C1GALT1: variants seen among roughly 807,000 people sequenced by gnomAD.
C1GALT1 encodes the protein core 1 synthase, glycoprotein-N-acetylgalactosamine 3-beta-galactosyltransferase 1.
In C1GALT1, 11 loss-of-function variants were observed where a neutral mutation model predicts 31.0. The ratio of observed to expected loss-of-function variants is 0.36; its 90% CI spans 0.22 to 0.59. C1GALT1 has a LOEUF of 0.59. Ranked by LOEUF, C1GALT1 falls within the 20% of genes least tolerant of loss-of-function variation. The pLI is 0.79. For missense variants in C1GALT1, 424 were observed against 425.2 expected (o/e 1.00, Z 0.03); for synonymous variants, 175 against 143.6 (o/e 1.22, Z -1.56).
At chr7:7,220,305 A>T (rs908341059) in intron 1 of C1GALT1, among the ~76,000 whole-genome samples, 1 of 152,186 alleles carries the variant, frequency 6.6e-6, no homozygotes, top group Non-Finnish European at 1.5e-5. Flanking sequence ...AGTGTTAGCT[A>T]TTTTTATTTG....
In C1GALT1 at chr7:7,182,686, G is replaced by A. The variant is rs533125199; in HGVS notation, c.-152G>A. ...GCTGCCGCTGCCGGGGAATAATCTG[G>A]GCGGCAGCGGGCGGCCTCGGCTAGC... is the stretch of plus-strand genomic sequence containing the variant. On this transcript the variant is annotated 5_prime_UTR_variant, in exon 1 of 4. Coordinates refer to ENST00000436587, the MANE Select transcript of C1GALT1 (RefSeq NM_020156.5). 9 of 517,750 alleles carry A rather than the reference G, an allele frequency of 1.7e-5. No homozygotes were observed. The South Asian group carries it at 7.4e-4, about 43-fold the overall frequency. The allele number at this position is 517,750 out of a possible 1,614,324, so 32.1% of individuals were successfully genotyped here.
At chr7:7,185,187 G>A (rs187347123) in intron 1 of C1GALT1, among the ~76,000 whole-genome samples, 259 of 152,298 alleles carry the variant, frequency 1.7e-3, no homozygotes, top group African/African-American at 5.9e-3. Flanking sequence ...AAATTATCTA[G>A]CACCTGTAGT....
intron 1 of C1GALT1, among the ~76,000 whole-genome samples, chr7:7,190,780 C>G (rs1017770401): frequency 6.6e-6 from 1 of 152,000 alleles, no homozygotes; most frequent in African/African-American, 2.4e-5. Flanking sequence ...ACACCCCTTC[C>G]CACAATGCCC....
chr7:7,161,565 A>G (rs1780334176), intron 2 of C1GALT1, among the ~76,000 whole-genome samples: 1 of 152,078 alleles, frequency 6.6e-6, no homozygotes, highest in African/African-American at 2.4e-5. Flanking sequence ...TACATGTTAG[A>G]CCCTTTGCAA....
intron 2 of C1GALT1, among the ~76,000 whole-genome samples, chr7:7,175,985 CT>C (rs1006933265): frequency 6.6e-6 from 1 of 152,148 alleles, no homozygotes; most frequent in African/African-American, 2.4e-5. Flanking sequence ...GGTTGGGGGG[CT>C]TTCCAAACAC....
intron 2 of C1GALT1, among the ~76,000 whole-genome samples, chr7:7,168,771 C>A (rs1189712470): frequency 6.6e-6 from 1 of 152,168 alleles, no homozygotes; most frequent in African/African-American, 2.4e-5. Context: ...AAAAAGGAAG[C>A]AATACATTTG....
At chr7:7,208,747 G>A (rs1348868778) in intron 1 of C1GALT1, among the ~76,000 whole-genome samples, 2 of 152,094 alleles carry the variant, frequency 1.3e-5, no homozygotes, top group Non-Finnish European at 2.9e-5. Context: ...TTGGAGGACG[G>A]GGTCCTTATT....
chr7:7,168,373 TA>T lies in C1GALT1; in HGVS notation c.-18+10953del, dbSNP rs1310890300. On this transcript the variant is annotated intron_variant, in intron 2 of 3. Transcript: ENST00000429911. Reference sequence around the variant, plus strand: ...GAGAAGGAGTTGAGGTATATTATCTTAAAAAATACCACCTGGTGAGAATAAA... The same window carrying T: ...GAGAAGGAGTTGAGGTATATTATCTTAAAAATACCACCTGGTGAGAATAAA... Among the ~76,000 whole-genome samples the T allele has an allele frequency of 2.0e-5, 3 of 152,200 alleles. No homozygotes were observed. The East Asian group carries it at 5.8e-4, about 29-fold the overall frequency.
intron 2 of C1GALT1, among the ~76,000 whole-genome samples, chr7:7,171,894 GTTAATGTCTTT>G (rs1163083256): frequency 1.3e-5 from 2 of 151,872 alleles, no homozygotes; most frequent in African/African-American, 4.8e-5. Flanking sequence ...CCTTTATATT[GTTAATGTCTTT>G]TTACATCTTT....
intron 2 of C1GALT1, among the ~76,000 whole-genome samples, chr7:7,165,351 T>C (rs1453394402): frequency 1.3e-5 from 2 of 152,228 alleles, no homozygotes; most frequent in Non-Finnish European, 2.9e-5. Flanking sequence ...TTTCCATTGC[T>C]TCCTTTTACA....
At chr7:7,239,391 T>C (rs1783520565) in intron 3 of C1GALT1, among the ~76,000 whole-genome samples, 1 of 152,158 alleles carries the variant, frequency 6.6e-6, no homozygotes, top group South Asian at 2.1e-4. Context: ...CTGAGTGTTA[T>C]TAGAGAGCAA....
intron 1 of C1GALT1, among the ~76,000 whole-genome samples, chr7:7,191,551 C>T (rs1443599451): frequency 6.6e-6 from 1 of 152,052 alleles, no homozygotes; most frequent in Non-Finnish European, 1.5e-5. Context: ...GAGGAATTTT[C>T]ATACTGTTTT....
chr7:7,225,012 G>C (rs1782690151), intron 1 of C1GALT1, among the ~76,000 whole-genome samples: 1 of 146,070 alleles, frequency 6.8e-6, no homozygotes, highest in Non-Finnish European at 1.5e-5. Context: ...TCCCTTCTTT[G>C]TGTCCATATG....
At chr7:7,189,413 G>A (rs77547581) in intron 1 of C1GALT1, among the ~76,000 whole-genome samples, 5,012 of 152,194 alleles carry the variant, frequency 0.033, 187 homozygotes, top group African/African-American at 0.091. Context: ...CAGTTTTCTT[G>A]TATCTGTGTC....
Position 7,246,227 on chromosome 7 carries a change from A to AAAG in C1GALT1, c.*2501_*2503dup, listed in dbSNP as rs1783837879. 7.3e-6 allele frequency: 1 copy of AAAG among 137,922 alleles called. No individual in the cohort carries two copies. The highest frequency in any genetic ancestry group is 7.1e-5 in the Admixed American group (1 of 14,014). 8.5% of individuals were successfully genotyped at this position (137,922 alleles called of 1,614,324 possible). On this transcript the variant is annotated 3_prime_UTR_variant, in exon 4 of 4. Coordinates refer to ENST00000436587, the MANE Select transcript of C1GALT1 (RefSeq NM_020156.5). ...GATAAGGAAACTGAGGCTCAGAGAC[A>AAAG]AAGTAACTTTGTCACTGTCACAAAG...
intron 1 of C1GALT1, among the ~76,000 whole-genome samples, chr7:7,187,254 A>ATTT (rs11402802): frequency 1.4e-5 from 2 of 147,074 alleles, no homozygotes; most frequent in African/African-American, 5.0e-5. Flanking sequence ...TCTTCCTGAG[A>ATTT]TTTTTTTTTT....
intron 2 of C1GALT1, among the ~76,000 whole-genome samples, chr7:7,169,943 G>T (rs187630298): frequency 1.3e-3 from 195 of 152,256 alleles, no homozygotes; most frequent in Non-Finnish European, 2.0e-3. Context: ...AATTCTTCTT[G>T]AAATATTTGG....
At chr7:7,211,172 G>A (rs1781987453) in intron 1 of C1GALT1, among the ~76,000 whole-genome samples, 1 of 152,158 alleles carries the variant, frequency 6.6e-6, no homozygotes, top group Admixed American at 6.5e-5. Context: ...TTCTAGGTGA[G>A]AGTTACAGTA....
chr7:7,170,497 G>T (rs1780441749), intron 2 of C1GALT1, among the ~76,000 whole-genome samples: 1 of 152,130 alleles, frequency 6.6e-6, no homozygotes, highest in Admixed American at 6.5e-5. Context: ...AACATCTTAT[G>T]TTAGGCTGGG....
Sources: gnomAD v4.1 joint callset for allele counts (sites outside exome capture counted in the v4.1 genomes callset) on GRCh38, gnomAD v4.1.1 for gene constraint, MANE v1.5 for transcripts, NCBI Gene and HGNC (gene_info 2026-07-23, HGNC 2026-07-21) for gene names.